The following PRELID2 variants were observed in gnomAD, a reference collection of about 807,000 sequenced individuals.
The protein encoded by PRELID2 is PRELI domain-containing protein 2.
PRELID2 carries 25 observed loss-of-function variants against 28.4 expected under a neutral mutation model. The observed-to-expected ratio is 0.88, with a 90% CI of 0.64 to 1.23. The LOEUF (loss-of-function observed/expected upper bound fraction) is 1.23. Ranked by LOEUF, PRELID2 falls within the 50% of genes most tolerant of loss-of-function variation. The pLI, the probability that PRELID2 is intolerant of heterozygous loss-of-function variation, is 0.00. For missense variants in PRELID2, 201 were observed against 214.4 expected (o/e 0.94, Z 0.39); for synonymous variants, 76 against 71.6 (o/e 1.06, Z -0.31).
intron 1 of PRELID2, among the ~76,000 whole-genome samples, chr5:145,609,714 C>A (rs949413015): frequency 6.6e-6 from 1 of 152,230 alleles, no homozygotes; most frequent in Admixed American, 6.5e-5. Context: ...AGGCTGTGCC[C>A]ACCAGCTGAG....
At chr5:145,232,079 C>T in the PRELID2 span, among the ~76,000 whole-genome samples, 7 of 152,084 alleles carry the variant, frequency 4.6e-5, no homozygotes, top group African/African-American at 1.7e-4. Context: ...TTTTAGGACA[C>T]TAGTGTCTCG....
the PRELID2 span, among the ~76,000 whole-genome samples, chr5:145,321,794 T>C: frequency 6.6e-6 from 1 of 152,188 alleles, no homozygotes; most frequent in South Asian, 2.1e-4. Context: ...CTCGATGGCA[T>C]GTGCTGCCCT....
At chr5:145,639,274 T>C (rs1252991183) in intron 1 of PRELID2, among the ~76,000 whole-genome samples, 1 of 152,008 alleles carries the variant, frequency 6.6e-6, no homozygotes, top group African/African-American at 2.4e-5. Context: ...ATACAGATCA[T>C]AATAAAGATG....
At chr5:145,418,423 A>T in the PRELID2 span, among the ~76,000 whole-genome samples, 1 of 152,172 alleles carries the variant, frequency 6.6e-6, no homozygotes, top group African/African-American at 2.4e-5. Context: ...AAAATAGCCC[A>T]GATAGCCAAG....
At chr5:145,444,302 C>T in the PRELID2 span, among the ~76,000 whole-genome samples, 2 of 152,050 alleles carry the variant, frequency 1.3e-5, no homozygotes, top group Admixed American at 6.6e-5. Context: ...ACCCTGGACT[C>T]GAAAGATAGA....
chr5:145,242,235 A>G, the PRELID2 span, among the ~76,000 whole-genome samples: 3 of 152,016 alleles, frequency 2.0e-5, no homozygotes, highest in African/African-American at 7.2e-5. Context: ...AAACCATGAA[A>G]CACTTTCCAC....
At chr5:145,775,059 G>A (rs1016044403) in intron 5 of PRELID2, among the ~76,000 whole-genome samples, 1 of 152,024 alleles carries the variant, frequency 6.6e-6, no homozygotes, top group African/African-American at 2.4e-5. Context: ...GGCCAACATG[G>A]TGAAACCCCA....
At chr5:145,420,385 G>C in the PRELID2 span, among the ~76,000 whole-genome samples, 1 of 151,648 alleles carries the variant, frequency 6.6e-6, no homozygotes, top group African/African-American at 2.4e-5. Flanking sequence ...TCTTCCATTT[G>C]TTTGTATCCT....
chr5:145,714,661 A>G (rs527423036), intron 1 of PRELID2, among the ~76,000 whole-genome samples: 1 of 152,094 alleles, frequency 6.6e-6, no homozygotes, highest in Non-Finnish European at 1.5e-5. Flanking sequence ...TTCAAATCCA[A>G]TTTTGTCTGA....
At chr5:145,504,645 C>G (rs568484612) in intron 1 of PRELID2, among the ~76,000 whole-genome samples, 1 of 152,130 alleles carries the variant, frequency 6.6e-6, no homozygotes, top group Non-Finnish European at 1.5e-5. Context: ...AAGTACCTCC[C>G]TTTTATTTAG....
chr5:145,462,688 G>A, the PRELID2 span, among the ~76,000 whole-genome samples: 2 of 152,248 alleles, frequency 1.3e-5, no homozygotes, highest in African/African-American at 4.8e-5. Context: ...TGAAAGAGAA[G>A]AAAGAAGAGC....
intron 1 of PRELID2, among the ~76,000 whole-genome samples, chr5:145,591,313 T>C (rs949142232): frequency 9.9e-5 from 15 of 151,706 alleles, no homozygotes; most frequent in African/African-American, 3.6e-4. Flanking sequence ...AAAAAAAAAT[T>C]GAGACCCACA....
At chr5:145,239,972 C>T in the PRELID2 span, among the ~76,000 whole-genome samples, 1 of 152,034 alleles carries the variant, frequency 6.6e-6, no homozygotes, top group South Asian at 2.1e-4. Context: ...CAAAGCATAT[C>T]GTTGAATGCT....
intron 1 of PRELID2, among the ~76,000 whole-genome samples, chr5:145,618,728 C>T (rs1002081820): frequency 2.6e-5 from 4 of 152,140 alleles, no homozygotes. Flanking sequence ...CAACAGTGGG[C>T]AGGGCCCTAG....
chr5:145,254,226 T>C, the PRELID2 span, among the ~76,000 whole-genome samples: 1 of 152,198 alleles, frequency 6.6e-6, no homozygotes, highest in Non-Finnish European at 1.5e-5. Flanking sequence ...ATGACATGCC[T>C]ATTATGTAAA....
the PRELID2 span, among the ~76,000 whole-genome samples, chr5:145,428,019 T>C: frequency 2.0e-5 from 3 of 152,124 alleles, no homozygotes; most frequent in African/African-American, 7.2e-5. Flanking sequence ...AGTGCAATGG[T>C]GCAATCCCAG....
intron 1 of PRELID2, among the ~76,000 whole-genome samples, chr5:145,511,509 A>G (rs1207817669): frequency 2.0e-5 from 3 of 152,230 alleles, no homozygotes; most frequent in African/African-American, 7.2e-5. Context: ...CAGACAGTGA[A>G]TTCCACAAGT....
the PRELID2 span, among the ~76,000 whole-genome samples, chr5:145,263,854 C>CAA: frequency 2.7e-4 from 33 of 123,194 alleles, 1 homozygote; most frequent in African/African-American, 7.3e-4. Flanking sequence ...AAAAAGTTAC[C>CAA]AAAAAAAAAA....
chr5:145,401,961 C>T, the PRELID2 span, among the ~76,000 whole-genome samples: 2 of 152,182 alleles, frequency 1.3e-5, no homozygotes, highest in East Asian at 1.9e-4. Context: ...CTAACATCAC[C>T]CACCCACCCC....
Sources: allele counts gnomAD v4.1 joint callset (sites outside exome capture counted in the v4.1 genomes callset), GRCh38; gene constraint gnomAD v4.1.1; transcripts MANE v1.5; gene names NCBI Gene and HGNC (gene_info 2026-07-23, HGNC 2026-07-21).